Variants in ZC3H12D observed in about 807,000 individuals in gnomAD.
ZC3H12D encodes zinc finger CCCH-type containing 12D.
A neutral mutation model predicts 24.2 loss-of-function variants in ZC3H12D; 11 were observed. The ratio of observed to expected loss-of-function variants is 0.46; its 90% CI spans 0.29 to 0.75. The LOEUF (loss-of-function observed/expected upper bound fraction) is 0.75, where lower values mean the gene tolerates loss of function less well. Among genes scored for constraint, ZC3H12D ranks in the 30% least tolerant of loss-of-function variants. ZC3H12D has a pLI of 0.11. For synonymous variants in ZC3H12D, 333 were observed against 341.8 expected (o/e 0.97, Z 0.28); for missense variants, 740 against 767.7 (o/e 0.96, Z 0.43).
intron 2 of ZC3H12D, among the ~76,000 whole-genome samples, chr6:149,470,866 G>T (rs116577893): frequency 2.0e-5 from 3 of 152,244 alleles, no homozygotes; most frequent in African/African-American, 4.8e-5. Context: ...GTGGCAAGTG[G>T]CTCTGTGGGG....
At chr6:149,458,448 A>G (rs1776024205) in intron 3 of ZC3H12D, among the ~76,000 whole-genome samples, 1 of 151,994 alleles carries the variant, frequency 6.6e-6, no homozygotes, top group Non-Finnish European at 1.5e-5. Flanking sequence ...GATCATTTTC[A>G]GTGTGGTTAC....
chr6:149,465,116 G>A (rs527904040), intron 2 of ZC3H12D, among the ~76,000 whole-genome samples: 2 of 152,238 alleles, frequency 1.3e-5, no homozygotes, highest in African/African-American at 2.4e-5. Context: ...CACTTTGGGA[G>A]GCTGAGGTGG....
chr6:149,451,231 A>C lies in ZC3H12D; in HGVS notation c.1036T>G (p.Phe346Val). The change falls in exon 6 of 6, where the codon TTC becomes GTC. Residue 346 changes from phenylalanine (F) to valine (V), a missense_variant. By Grantham distance (50) the Phe-to-Val change is conservative. Transcript: ENST00000409806. ...TCGTCGCTGAAGGCCAGCCGAGAGA[A>C]GCTCCCTCGCAGGGCGGCCAGGTCC... ...SPDLAALRGS[F>V]SRLAFSDDLG... The C allele has an allele frequency of 1.5e-6, 2 of 1,300,300 alleles. No individual in the cohort carries two copies. Among genetic ancestry groups the C allele is most frequent in the Non-Finnish European group, 1.9e-6 (2 of 1,030,702 alleles). The allele number at this position is 1,300,300 out of a possible 1,614,324, so 80.5% of individuals were successfully genotyped here.
chr6:149,473,120 A>G (rs971519715), intron 2 of ZC3H12D, among the ~76,000 whole-genome samples: 10 of 144,202 alleles, frequency 6.9e-5, no homozygotes, highest in Non-Finnish European at 1.4e-4. Context: ...AGGGAGACTT[A>G]GCTGGTTAAA....
chr6:149,475,866 T>C (rs1008985277), intron 1 of ZC3H12D, among the ~76,000 whole-genome samples: 2 of 152,168 alleles, frequency 1.3e-5, no homozygotes, highest in Non-Finnish European at 2.9e-5. Flanking sequence ...ACAGGAACAC[T>C]CTAGACAGCC....
At position 149,448,758 on chromosome 6, in the gene ZC3H12D, A is replaced by G. The variant is rs1257661064; in HGVS notation, c.*1925T>C. 6.6e-6 allele frequency: 1 copy of G among 152,240 alleles called. No individual in the cohort carries two copies. Among genetic ancestry groups the G allele is most frequent in the African/African-American group, 2.4e-5 (1 of 41,446 alleles). The allele number at this position is 152,240 out of a possible 1,614,324, so 9.4% of individuals were successfully genotyped here. On this transcript the variant is annotated 3_prime_UTR_variant, in exon 6 of 6. Coordinates refer to ENST00000409806, the MANE Select transcript of ZC3H12D (RefSeq NM_207360.3). Reference sequence around the variant, plus strand: ...AAAGATCAAAGAAGTTTCAGAGAAAAACCTAACATCACTGTATGCCCCAGG... The same window carrying G: ...AAAGATCAAAGAAGTTTCAGAGAAAGACCTAACATCACTGTATGCCCCAGG...
At chr6:149,479,880 T>G (rs1287504932) in intron 1 of ZC3H12D, among the ~76,000 whole-genome samples, 9 of 152,108 alleles carry the variant, frequency 5.9e-5, no homozygotes. Flanking sequence ...TTATCTTCCC[T>G]CCTCAAATAT....
intron 1 of ZC3H12D, among the ~76,000 whole-genome samples, chr6:149,481,574 T>G (rs1220510906): frequency 6.6e-6 from 1 of 151,722 alleles, no homozygotes; most frequent in East Asian, 1.9e-4. Context: ...GGGGTTTCAC[T>G]GGGTAGGTCA....
chr6:149,467,248 G>A (rs1776177640), intron 2 of ZC3H12D, among the ~76,000 whole-genome samples: 1 of 151,396 alleles, frequency 6.6e-6, no homozygotes, highest in Non-Finnish European at 1.5e-5. Context: ...CCTGCTTCTT[G>A]GAGCTCTTTT....
At chr6:149,465,867 A>G (rs392928) in intron 2 of ZC3H12D, among the ~76,000 whole-genome samples, 5 of 151,572 alleles carry the variant, frequency 3.3e-5, no homozygotes, top group African/African-American at 1.2e-4. Flanking sequence ...CCCACCCCCC[A>G]ATTCCAGCTC....
chr6:149,456,907 G>T lies in ZC3H12D; in HGVS notation c.446-7C>A, dbSNP rs1775993342. ...TCCGCCAGCACGTGCTGCTCTGAGG[G>T]CGGGGCGACGGAGACGCGGGTGAGG... On this transcript the variant is annotated splice_region_variant and splice_polypyrimidine_tract_variant and intron_variant, in intron 3 of 5. Coordinates refer to ENST00000409806, the MANE Select transcript of ZC3H12D (RefSeq NM_207360.3). The surrounding 1 kb of genome is among the most constrained non-coding windows in gnomAD (Gnocchi z 4.3). 6.3e-7 allele frequency: 1 copy of T among 1,592,620 alleles called. No individual in the cohort carries two copies. Among genetic ancestry groups the T allele is most frequent in the Non-Finnish European group, 8.5e-7 (1 of 1,173,122 alleles).
At chr6:149,453,737 A>G (rs1027195161) in intron 4 of ZC3H12D, among the ~76,000 whole-genome samples, 7 of 152,196 alleles carry the variant, frequency 4.6e-5, no homozygotes, top group African/African-American at 1.7e-4. Flanking sequence ...AGAAACCTCT[A>G]TGAGGTTAAC....
chr6:149,474,196 C>A, intron 2 of ZC3H12D, 43 bp downstream of exon 2: 1 of 1,432,776 alleles, frequency 7.0e-7, no homozygotes, highest in Non-Finnish European at 9.3e-7. Context: ...CTCCTGCGAA[C>A]AGGGGCCTCC....
At position 149,456,641 on chromosome 6, in the gene ZC3H12D, G is replaced by T. The variant is rs1358248453; in HGVS notation, c.680+25C>A. ...GCCCCCCGCCCCGCCGCCCCCCAGGGTGTCAGGACCCCAGCCGGACCTACC... is the reference window on the plus strand; with the variant it reads ...GCCCCCCGCCCCGCCGCCCCCCAGGTTGTCAGGACCCCAGCCGGACCTACC... On this transcript the variant is annotated intron_variant, in intron 4 of 5. Transcript: ENST00000409806. This position sits in a 1 kb window ranked among gnomAD's most constrained non-coding sequence, Gnocchi z 4.3. 8.3e-6 allele frequency: 13 copies of T among 1,571,510 alleles called. No individual in the cohort carries two copies. Among genetic ancestry groups the T allele is most frequent in the African/African-American group, 1.4e-5 (1 of 74,048 alleles).
Position 149,450,592 on chromosome 6 carries a change from GC to G in ZC3H12D, c.*90del. The stretch of plus-strand genomic sequence containing the variant: ...TAAAGAAAAGGGGGCACCATGATGG[GC>G]CCACTCAGGTCCAGGCTGGCAACCA... On this transcript the variant is annotated 3_prime_UTR_variant, in exon 6 of 6. Transcript: ENST00000409806. 7.9e-7 allele frequency: 1 copy of G among 1,267,858 alleles called. No individual in the cohort carries two copies. Among genetic ancestry groups the G allele is most frequent in the Non-Finnish European group, 1.1e-6 (1 of 949,908 alleles). 78.5% of individuals were successfully genotyped at this position (1,267,858 alleles called of 1,614,324 possible).
intron 2 of ZC3H12D, among the ~76,000 whole-genome samples, chr6:149,473,278 G>A (rs1439028497): frequency 1.3e-5 from 2 of 152,308 alleles, no homozygotes; most frequent in Non-Finnish European, 1.5e-5. Context: ...GGAAACTCTC[G>A]GAGGCTCTGT....
At chr6:149,474,123 C>T in intron 2 of ZC3H12D, 116 bp downstream of exon 2, 1 of 886,780 alleles carries the variant, frequency 1.1e-6, no homozygotes, top group South Asian at 3.7e-5. Flanking sequence ...GGATTCAAAG[C>T]CTGATCCGTT....
At chr6:149,458,110 TCTTTTTTTTTTTCGTTTC>T (rs1776013308) in intron 3 of ZC3H12D, among the ~76,000 whole-genome samples, 1 of 108,616 alleles carries the variant, frequency 9.2e-6, no homozygotes, top group African/African-American at 6.8e-5. Flanking sequence ...TCTTTCTTTT[TCTTTTTTTTTTTCGTTTC>T]TTTTTTTTTT....
intron 2 of ZC3H12D, among the ~76,000 whole-genome samples, chr6:149,466,866 A>T (rs1040704321): frequency 6.7e-6 from 1 of 149,506 alleles, no homozygotes; most frequent in Non-Finnish European, 1.5e-5. Flanking sequence ...ACAGAGCAAG[A>T]CTCCATCTCA....
Sources: allele counts gnomAD v4.1 joint callset (sites outside exome capture counted in the v4.1 genomes callset), GRCh38; gene constraint gnomAD v4.1.1; non-coding constraint Gnocchi (gnomAD v3.1); transcripts MANE v1.5; gene names NCBI Gene and HGNC (gene_info 2026-07-23, HGNC 2026-07-21).